BCAR3: variants seen among roughly 807,000 people sequenced by gnomAD.
BCAR3 encodes BCAR3 adaptor protein, NSP family member, also known as breast cancer anti-estrogen resistance protein 3.
Under a neutral mutation model 80.1 loss-of-function variants are expected in BCAR3, and 37 were observed. The observed-to-expected ratio is 0.46, with a 90% confidence interval of 0.36 to 0.61. BCAR3 has a LOEUF of 0.61. Among genes scored for constraint, BCAR3 ranks in the 20% least tolerant of loss-of-function variants. The pLI, the probability that BCAR3 is intolerant of heterozygous loss-of-function variation, is 0.00. For synonymous variants in BCAR3, 389 were observed against 418.9 expected, an observed-to-expected ratio of 0.93 and a Z score of 0.87; for missense variants, 978 against 1,068.2, an observed-to-expected ratio of 0.92 and a Z score of 1.18.
At chr1:93,578,221 T>TC (rs1013466877) in intron 7 of BCAR3, among the ~76,000 whole-genome samples, 10 of 152,116 alleles carry the variant, frequency 6.6e-5, no homozygotes, top group African/African-American at 2.4e-4. Flanking sequence ...CCTGATGGGG[T>TC]CCCGGCCCAG....
chr1:93,624,479 C>T (rs900536075), intron 3 of BCAR3, among the ~76,000 whole-genome samples: 2 of 152,218 alleles, frequency 1.3e-5, no homozygotes, highest in Admixed American at 6.5e-5. Flanking sequence ...TGTGTGGGCC[C>T]GTAGGGGTTT....
chr1:93,647,859 G>A (rs1476252961), intron 2 of BCAR3, among the ~76,000 whole-genome samples: 1 of 151,660 alleles, frequency 6.6e-6, no homozygotes, highest in Non-Finnish European at 1.5e-5. Flanking sequence ...TGCAACCTCT[G>A]CCTCCCGGGT....
chr1:93,681,416 C>T (rs1422226957), intron 1 of BCAR3, 182 bp downstream of exon 1: 1 of 152,306 alleles, frequency 6.6e-6, no homozygotes, highest in African/African-American at 2.4e-5. Flanking sequence ...CAGTCACCCC[C>T]GCCCCCAACG....
At position 93,752,095 on chromosome 1, in the gene BCAR3, C is replaced by T. The variant is rs369641909; in HGVS notation, c.-62-45953G>A. 7.2e-5 allele frequency among the ~76,000 whole-genome samples: 11 copies of T among 152,364 alleles called. No homozygotes were observed. The South Asian group carries it at 1.0e-3, about 14-fold the overall frequency. ...AGCTCTCACCCACCCAAACCTCAGA[C>T]ACTTCTTGCTGGCAAGAGGCCACCC... On this transcript the variant is annotated intron_variant, in intron 2 of 13. Coordinates refer to the BCAR3 transcript ENST00000370244.
chr1:93,746,208 G>A (rs968615368), intron 2 of BCAR3, among the ~76,000 whole-genome samples: 2 of 152,216 alleles, frequency 1.3e-5, no homozygotes, highest in Non-Finnish European at 2.9e-5. Flanking sequence ...AGGCACAGAA[G>A]GGAGTGGCAG....
chr1:93,753,896 CAT>C (rs1651660175), intron 2 of BCAR3: 5 of 151,258 alleles, frequency 3.3e-5, no homozygotes, highest in African/African-American at 1.2e-4. Flanking sequence ...CACACACACA[CAT>C]GCACCCTTCT....
At chr1:93,816,447 C>T (rs1654018151) in intron 2 of BCAR3, among the ~76,000 whole-genome samples, 1 of 151,874 alleles carries the variant, frequency 6.6e-6, no homozygotes, top group South Asian at 2.1e-4. Context: ...TTGAGGCAGG[C>T]AGATCACGAG....
intron 2 of BCAR3, among the ~76,000 whole-genome samples, chr1:93,653,437 A>G (rs1019256658): frequency 2.6e-5 from 4 of 152,070 alleles, no homozygotes; most frequent in African/African-American, 9.7e-5. Flanking sequence ...TGTATTGTAT[A>G]TTTTTTTATA....
At chr1:93,761,668 G>A (rs961294169) in intron 2 of BCAR3, among the ~76,000 whole-genome samples, 2 of 152,132 alleles carry the variant, frequency 1.3e-5, no homozygotes, top group Admixed American at 6.5e-5. Flanking sequence ...AAACCCCCGA[G>A]CTCAAGCCAG....
At chr1:93,702,473 A>G (rs1649679368) in intron 3 of BCAR3, among the ~76,000 whole-genome samples, 1 of 151,776 alleles carries the variant, frequency 6.6e-6, no homozygotes, top group East Asian at 2.0e-4. Flanking sequence ...CCTGGTTCCC[A>G]GACCCTGCAG....
At chr1:93,782,029 T>C (rs966363128) in intron 2 of BCAR3, among the ~76,000 whole-genome samples, 6 of 152,034 alleles carry the variant, frequency 3.9e-5, no homozygotes, top group African/African-American at 1.4e-4. Context: ...GAAACCCAGA[T>C]CAATGTGAAG....
At chr1:93,603,163 G>A (rs1057097636) in intron 3 of BCAR3, among the ~76,000 whole-genome samples, 1 of 152,150 alleles carries the variant, frequency 6.6e-6, no homozygotes, top group Non-Finnish European at 1.5e-5. Flanking sequence ...AAAGTTCAAA[G>A]AGAAAAAAAT....
At chr1:93,751,098 C>T (rs941790307) in intron 2 of BCAR3, among the ~76,000 whole-genome samples, 1 of 152,194 alleles carries the variant, frequency 6.6e-6, no homozygotes, top group Non-Finnish European at 1.5e-5. Context: ...ACTCACCTCC[C>T]TTCATCCTGA....
chr1:93,607,276 G>C (rs1051108202), intron 3 of BCAR3, among the ~76,000 whole-genome samples: 1 of 152,136 alleles, frequency 6.6e-6, no homozygotes, highest in Non-Finnish European at 1.5e-5. Flanking sequence ...CCAGCTTCGG[G>C]GTGGAGGAAG....
chr1:93,624,407 T>C (rs1294499948), intron 3 of BCAR3, among the ~76,000 whole-genome samples: 1 of 152,216 alleles, frequency 6.6e-6, no homozygotes, highest in Non-Finnish European at 1.5e-5. Flanking sequence ...TTCCCAAATG[T>C]GCTCCTTAGA....
intron 3 of BCAR3, among the ~76,000 whole-genome samples, chr1:93,604,387 AGAG>A (rs1246218306): frequency 1.3e-5 from 2 of 152,258 alleles, no homozygotes; most frequent in Admixed American, 6.5e-5. Context: ...GTAAATATGA[AGAG>A]GATATCTGTA....
chr1:93,707,578 G>A (rs575384521), intron 2 of BCAR3, among the ~76,000 whole-genome samples: 270 of 152,090 alleles, frequency 1.8e-3, no homozygotes, highest in African/African-American at 6.3e-3. Flanking sequence ...GTGGTGGCGC[G>A]TGCCTGTAAT....
chr1:93,720,432 G>A (rs1474805711), intron 2 of BCAR3: 3 of 152,368 alleles, frequency 2.0e-5, no homozygotes, highest in African/African-American at 7.2e-5. Context: ...CCTAACTTTG[G>A]AGTATCCTTC....
intron 3 of BCAR3, among the ~76,000 whole-genome samples, chr1:93,636,322 A>C (rs1168642716): frequency 6.6e-6 from 1 of 152,220 alleles, no homozygotes. Flanking sequence ...CAGAGACTGT[A>C]GGTCATTCTA....
Sources: allele counts gnomAD v4.1 joint callset (sites outside exome capture counted in the v4.1 genomes callset), GRCh38; gene constraint gnomAD v4.1.1; transcripts MANE v1.5; gene names NCBI Gene and HGNC (gene_info 2026-07-23, HGNC 2026-07-21).